Variants in AUTS2 observed in about 807,000 individuals in gnomAD.
AUTS2 encodes activator of transcription and developmental regulator AUTS2.
AUTS2 carries 17 observed loss-of-function variants against 112.4 expected under a neutral mutation model. The ratio of observed to expected loss-of-function variants is 0.15; its 90% CI spans 0.10 to 0.23. The LOEUF is 0.23. AUTS2 is among the 10% of genes least tolerant of loss of function. AUTS2 has a pLI of 1.00. For synonymous variants in AUTS2, 751 were observed against 702.7 expected, an observed-to-expected ratio of 1.07 and a Z score of -1.09; for missense variants, 1,510 against 1,701.6, an observed-to-expected ratio of 0.89 and a Z score of 1.98.
chr7:70,501,266 T>C (rs1330906262), intron 5 of AUTS2, among the ~76,000 whole-genome samples: 2 of 152,186 alleles, frequency 1.3e-5, no homozygotes, highest in Non-Finnish European at 2.9e-5. Context: ...TCAGAATGTG[T>C]GAGGACTGGG....
intron 1 of AUTS2, among the ~76,000 whole-genome samples, chr7:69,653,830 T>A (rs1305300514): frequency 6.6e-6 from 1 of 152,162 alleles, no homozygotes; most frequent in Non-Finnish European, 1.5e-5. Flanking sequence ...GCCTGCCACC[T>A]CCTCTGCATC....
At chr7:70,670,643 C>G (rs1235206163) in intron 5 of AUTS2, among the ~76,000 whole-genome samples, 1 of 146,416 alleles carries the variant, frequency 6.8e-6, no homozygotes, top group Non-Finnish European at 1.5e-5. Context: ...TTATCCTGCA[C>G]AGCCTTGGCT....
At chr7:70,258,413 A>G (rs780293814) in intron 4 of AUTS2, among the ~76,000 whole-genome samples, 1 of 152,224 alleles carries the variant, frequency 6.6e-6, no homozygotes, top group Non-Finnish European at 1.5e-5. Flanking sequence ...GTGTTGGTTC[A>G]GCTGTTGCTC....
chr7:70,532,615 C>A (rs934688638), intron 5 of AUTS2, among the ~76,000 whole-genome samples: 7 of 152,202 alleles, frequency 4.6e-5, no homozygotes, highest in African/African-American at 1.7e-4. Context: ...CAGCTACCCA[C>A]AAGAAACCCC....
chr7:70,031,497 A>G (rs892094748), intron 2 of AUTS2, among the ~76,000 whole-genome samples: 6 of 152,176 alleles, frequency 3.9e-5, no homozygotes, highest in Admixed American at 3.3e-4. Flanking sequence ...AATTAGTTCA[A>G]TCAGCCATAA....
chr7:69,671,588 CA>C (rs1237443513), intron 1 of AUTS2, among the ~76,000 whole-genome samples: 3 of 151,284 alleles, frequency 2.0e-5, no homozygotes, highest in African/African-American at 7.3e-5. Flanking sequence ...TTAGATTTGG[CA>C]GCCCTAGTAT....
intron 6 of AUTS2, among the ~76,000 whole-genome samples, chr7:70,750,645 G>C (rs192876855): frequency 3.3e-5 from 5 of 152,076 alleles, no homozygotes; most frequent in Non-Finnish European, 7.4e-5. Context: ...CAAGTGATCC[G>C]CCCACTTTGG....
At chr7:70,183,219 T>TCAA (rs1809414552) in intron 4 of AUTS2, among the ~76,000 whole-genome samples, 2 of 152,130 alleles carry the variant, frequency 1.3e-5, no homozygotes, top group African/African-American at 4.8e-5. Context: ...AATCCTCAAG[T>TCAA]CAACTAACTG....
At chr7:70,022,722 G>T (rs1800331152) in intron 2 of AUTS2, among the ~76,000 whole-genome samples, 1 of 152,040 alleles carries the variant, frequency 6.6e-6, no homozygotes, top group African/African-American at 2.4e-5. Flanking sequence ...CTGGGAAGTG[G>T]CATTCTTGGT....
At chr7:70,129,902 TGTGTGTGTGTG>T (rs1441434988) in intron 3 of AUTS2, among the ~76,000 whole-genome samples, 2 of 73,408 alleles carry the variant, frequency 2.7e-5, no homozygotes, top group Admixed American at 1.3e-4. Flanking sequence ...ATATATATAT[TGTGTGTGTGTG>T]TGTGTGTGTG....
chr7:70,220,985 T>C (rs1025742960), intron 4 of AUTS2, among the ~76,000 whole-genome samples: 2 of 152,214 alleles, frequency 1.3e-5, no homozygotes, highest in African/African-American at 4.8e-5. Flanking sequence ...CAGGCTGGAG[T>C]GCAGTGGTCA....
intron 4 of AUTS2, among the ~76,000 whole-genome samples, chr7:70,372,117 G>T (rs1792866574): frequency 1.3e-5 from 2 of 152,158 alleles, no homozygotes; most frequent in African/African-American, 2.4e-5. Context: ...CTTTAGAGGG[G>T]TCCTATGTCC....
intron 6 of AUTS2, among the ~76,000 whole-genome samples, chr7:70,703,926 G>A (rs961303495): frequency 1.3e-5 from 2 of 152,152 alleles, no homozygotes; most frequent in African/African-American, 2.4e-5. Context: ...AGAGACAAAG[G>A]AGTTATGAGT....
chr7:69,948,104 G>A (rs1397688525), intron 2 of AUTS2, among the ~76,000 whole-genome samples: 3 of 152,212 alleles, frequency 2.0e-5, no homozygotes, highest in Admixed American at 2.0e-4. Flanking sequence ...GCCATAGACT[G>A]TAATTACATT....
chr7:69,640,517 A>T (rs1794755642), intron 1 of AUTS2, among the ~76,000 whole-genome samples: 1 of 152,232 alleles, frequency 6.6e-6, no homozygotes, highest in Non-Finnish European at 1.5e-5. Flanking sequence ...TAACTTGAAT[A>T]CATTTCCCAG....
intron 4 of AUTS2, among the ~76,000 whole-genome samples, chr7:70,286,328 T>C (rs1260580511): frequency 1.3e-5 from 2 of 152,318 alleles, no homozygotes; most frequent in Admixed American, 6.5e-5. Flanking sequence ...AAAACATAAA[T>C]GGATAGATTC....
intron 2 of AUTS2, among the ~76,000 whole-genome samples, chr7:69,923,534 G>A (rs1795894728): frequency 6.6e-6 from 1 of 152,172 alleles, no homozygotes. Flanking sequence ...TATTGATCGT[G>A]TGATCAATTT....
At chr7:69,628,954 C>T (rs972735867) in intron 1 of AUTS2, among the ~76,000 whole-genome samples, 9 of 152,178 alleles carry the variant, frequency 5.9e-5, no homozygotes, top group African/African-American at 2.2e-4. Flanking sequence ...GATCTAAGGT[C>T]TTTATTGCAT....
chr7:69,935,592 G>T (rs577541294), intron 2 of AUTS2, among the ~76,000 whole-genome samples: 1 of 152,242 alleles, frequency 6.6e-6, no homozygotes, highest in Admixed American at 6.5e-5. Flanking sequence ...AACAGGAAGA[G>T]AAATTAAAGA....
Sources: gnomAD v4.1 joint callset for allele counts (sites outside exome capture counted in the v4.1 genomes callset) on GRCh38, gnomAD v4.1.1 for gene constraint, MANE v1.5 for transcripts, NCBI Gene and HGNC (gene_info 2026-07-23, HGNC 2026-07-21) for gene names.